The following ABLIM2 variants were observed in gnomAD, a reference collection of about 807,000 sequenced individuals.
ABLIM2 encodes actin binding LIM protein family member 2, also known as actin-binding LIM protein 2.
ABLIM2 carries 53 observed loss-of-function variants against 97.7 expected under a neutral mutation model. The observed-to-expected ratio is 0.54, with a 90% CI of 0.44 to 0.68. ABLIM2 has a LOEUF of 0.68. Among genes scored for constraint, ABLIM2 ranks in the 30% least tolerant of loss-of-function variants. ABLIM2 has a pLI of 0.00. For synonymous variants in ABLIM2, 361 were observed against 345.8 expected, an observed-to-expected ratio of 1.04 and a Z score of -0.49; for missense variants, 835 against 867.2, an observed-to-expected ratio of 0.96 and a Z score of 0.47.
intron 16 of ABLIM2, among the ~76,000 whole-genome samples, chr4:8,006,535 G>C (rs1185159935): frequency 2.0e-5 from 3 of 152,238 alleles, no homozygotes; most frequent in Non-Finnish European, 4.4e-5. Flanking sequence ...ACTGAGCAAA[G>C]TAGGGAGGGT....
rs549145053 is a variant in ABLIM2 at position 8,071,834 on chromosome 4, C to T, written c.675+5794G>A. On this transcript the variant is annotated intron_variant, in intron 6 of 20. Transcript: ENST00000447017. The surrounding 1 kb of genome is among the most constrained non-coding windows in gnomAD (Gnocchi z 6.2). ...TGCTTGAGTGCCGTGCTCCCTGGAA[C>T]GTGTGCCTGCGAGGGTGGACACCCT... 3 of 985,310 alleles carry T rather than the reference C, an allele frequency of 3.0e-6. No homozygotes were observed. The highest frequency in any genetic ancestry group is 1.7e-5 in the African/African-American group (1 of 57,224). 61.0% of individuals were successfully genotyped at this position (985,310 alleles called of 1,614,324 possible). A position where few individuals can be genotyped will look rare whatever the true frequency, so the allele number is the denominator to read the frequency against.
intron 12 of ABLIM2, 97 bp downstream of exon 12, chr4:8,027,662 T>C: frequency 1.0e-6 from 1 of 965,988 alleles, no homozygotes; most frequent in South Asian, 2.2e-5. Context: ...AAACAGGGGC[T>C]CCGGTGAAGC....
At chr4:8,138,193 G>A (rs1216902664) in intron 1 of ABLIM2, among the ~76,000 whole-genome samples, 1 of 152,126 alleles carries the variant, frequency 6.6e-6, no homozygotes, top group Non-Finnish European at 1.5e-5. Context: ...AAGGGGGACA[G>A]AACCTCAGTT....
intron 7 of ABLIM2, among the ~76,000 whole-genome samples, chr4:8,057,836 A>C (rs1307034571): frequency 6.6e-6 from 1 of 152,196 alleles, no homozygotes; most frequent in Non-Finnish European, 1.5e-5. Context: ...TTTGCCAGCC[A>C]AATAACATCT....
At position 7,983,321 on chromosome 4, in the gene ABLIM2, G is replaced by A. The variant is rs560054422; in HGVS notation, c.1767C>T (p.Ile589=). Residue 589 remains isoleucine (I), a synonymous_variant, in exon 20 of 21, where the codon ATC becomes ATT. Transcript: ENST00000447017. ...EYKIYPYDSL[I]VTNRIRVKLP... ...GTTTCACGCGAATTCGGTTTGTGAC[G>A]ATGAGGGAGTCATACGGATAGATCT... 52 of 1,612,514 alleles carry A rather than the reference G, an allele frequency of 3.2e-5. No individual in the cohort carries two copies. Among genetic ancestry groups the A allele is most frequent in the South Asian group, 1.7e-4 (15 of 90,408 alleles).
intron 14 of ABLIM2, among the ~76,000 whole-genome samples, chr4:8,012,490 C>T (rs971714172): frequency 2.8e-5 from 4 of 144,496 alleles, no homozygotes; most frequent in Non-Finnish European, 6.1e-5. Flanking sequence ...CTTCACTCAT[C>T]CATCCATCCA....
Position 8,148,450 on chromosome 4 carries a change from C to A in ABLIM2, c.10+10230G>T, listed in dbSNP as rs751903402. 6.6e-6 allele frequency among the ~76,000 whole-genome samples: 1 copy of A among 152,132 alleles called. No individual in the cohort carries two copies. The highest frequency in any genetic ancestry group is 1.9e-4 in the East Asian group (1 of 5,186). ...CCATGGCGCACCACAGTTAGGAGTG[C>A]GGGTTCTGCAGCTGGCACGGTGCTT... On this transcript the variant is annotated intron_variant, in intron 1 of 20. Transcript: ENST00000447017. The surrounding 1 kb of genome is among the most constrained non-coding windows in gnomAD (Gnocchi z 6.7).
At chr4:8,014,454 G>A (rs1767335518) in intron 14 of ABLIM2, among the ~76,000 whole-genome samples, 1 of 152,238 alleles carries the variant, frequency 6.6e-6, no homozygotes, top group Non-Finnish European at 1.5e-5. Context: ...GACATTGAGA[G>A]GAAGAGAGAG....
At position 8,149,151 on chromosome 4, in the gene ABLIM2, G is replaced by A. The variant is rs1455542173; in HGVS notation, c.10+9529C>T. Among the ~76,000 whole-genome samples, 1 of 152,162 alleles carries A rather than the reference G, an allele frequency of 6.6e-6. No individual in the cohort carries two copies. The highest frequency in any genetic ancestry group is 1.5e-5 in the Non-Finnish European group (1 of 68,030). On this transcript the variant is annotated intron_variant, in intron 1 of 20. Coordinates refer to ENST00000447017, the MANE Select transcript of ABLIM2 (RefSeq NM_001130083.2). This position sits in a 1 kb window ranked among gnomAD's most constrained non-coding sequence, Gnocchi z 6.4. Reference sequence around the variant, plus strand: ...GGGGCACCCGAGTTTCTTGGTGTGGGGCCCCTCCCTTCATCCTCAGAGCCA... The same window carrying A: ...GGGGCACCCGAGTTTCTTGGTGTGGAGCCCCTCCCTTCATCCTCAGAGCCA...
rs563045409 is a variant in ABLIM2, at chr4:8,100,048, C to T, written c.155-2766G>A. On this transcript the variant is annotated intron_variant, in intron 2 of 20. Coordinates refer to ENST00000447017, the MANE Select transcript of ABLIM2 (RefSeq NM_001130083.2). The stretch of plus-strand genomic sequence containing the variant: ...TGATGGGAGCACCATCCTTTGGGCA[C>T]ACGCTGTGTTCATTTACGAGAAACA... 3.3e-5 allele frequency among the ~76,000 whole-genome samples: 5 copies of T among 152,308 alleles called. No individual in the cohort carries two copies. The South Asian group carries it at 1.0e-3, about 32-fold the overall frequency.
rs1349090743 is a variant in ABLIM2 at position 8,083,027 on chromosome 4, G to C, written c.455-2225C>G. 6.6e-6 allele frequency among the ~76,000 whole-genome samples: 1 copy of C among 152,170 alleles called. No homozygotes were observed. Among genetic ancestry groups the C allele is most frequent in the African/African-American group, 2.4e-5 (1 of 41,454 alleles). On this transcript the variant is annotated intron_variant, in intron 4 of 20. Coordinates refer to ENST00000447017, the MANE Select transcript of ABLIM2 (RefSeq NM_001130083.2). The surrounding 1 kb of genome is among the most constrained non-coding windows in gnomAD (Gnocchi z 4.6). Reference sequence around the variant, plus strand: ...TTTTGATTGTCATAACTTGGAGGGGGTTCCAGGCATCTAGTGGGCAGTGGA... The same window carrying C: ...TTTTGATTGTCATAACTTGGAGGGGCTTCCAGGCATCTAGTGGGCAGTGGA...
chr4:8,064,635 G>T (rs893805638), intron 6 of ABLIM2, among the ~76,000 whole-genome samples: 1 of 152,186 alleles, frequency 6.6e-6, no homozygotes, highest in Non-Finnish European at 1.5e-5. Context: ...CTCGTGTCCT[G>T]AACGAACAAC....
At chr4:8,116,059 T>C (rs963011494) in intron 1 of ABLIM2, among the ~76,000 whole-genome samples, 7 of 152,152 alleles carry the variant, frequency 4.6e-5, no homozygotes, top group African/African-American at 1.4e-4. Flanking sequence ...AGCTCTTGAG[T>C]CACTCTCAGC....
chr4:8,097,413 G>T (rs1426836457), intron 2 of ABLIM2, 131 bp from the exon 3 acceptor site: 8 of 1,165,978 alleles, frequency 6.9e-6, no homozygotes, highest in Non-Finnish European at 9.5e-6. Flanking sequence ...GCACACACTT[G>T]GGGTGGCTTG....
intron 9 of ABLIM2, among the ~76,000 whole-genome samples, chr4:8,040,622 A>G (rs542884040): frequency 1.1e-4 from 11 of 98,112 alleles, no homozygotes; most frequent in African/African-American, 5.0e-4. Flanking sequence ...AAAAAAAAAA[A>G]AAGAAAAGAA....
At chr4:8,018,375 C>A (rs1363701927) in intron 14 of ABLIM2, among the ~76,000 whole-genome samples, 1 of 152,154 alleles carries the variant, frequency 6.6e-6, no homozygotes, top group Non-Finnish European at 1.5e-5. Context: ...TTTGGCCAGG[C>A]CTCAGTTTCC....
At chr4:8,035,668 G>A (rs1311085984) in intron 10 of ABLIM2, among the ~76,000 whole-genome samples, 1 of 152,212 alleles carries the variant, frequency 6.6e-6, no homozygotes, top group African/African-American at 2.4e-5. Context: ...AGGCAGGCCA[G>A]GAAATAAATA....
In ABLIM2 at chr4:8,069,768, C is replaced by T. The variant is rs948413245; in HGVS notation, c.675+7860G>A. ...TTGTCTGTGTACGTTTCGGTGTGTC[C>T]ATGCATGTTGTCTGTGTCTCTCCGT... On this transcript the variant is annotated intron_variant, in intron 6 of 20. Transcript: ENST00000447017. This position sits in a 1 kb window ranked among gnomAD's most constrained non-coding sequence, Gnocchi z 4.2. Among the ~76,000 whole-genome samples the T allele has an allele frequency of 1.3e-5, 2 of 150,992 alleles. No individual in the cohort carries two copies. Among genetic ancestry groups the T allele is most frequent in the Non-Finnish European group, 3.0e-5 (2 of 67,788 alleles).
In ABLIM2 at chr4:7,983,336, C is replaced by A; in HGVS notation, c.1752G>T (p.Pro584=). ...GGTTTGTGACGATGAGGGAGTCATA[C>A]GGATAGATCTGTTGGGGGAGGAAAC... is the stretch of plus-strand genomic sequence containing the variant. The part of the protein sequence containing the change: ...SWGMREYKIY[P]YDSLIVTNRI... Residue 584 remains proline, a synonymous_variant, in exon 20 of 21, where the codon CCG becomes CCT. Transcript: ENST00000447017. 1 of 1,611,838 alleles carries A rather than the reference C, an allele frequency of 6.2e-7. No individual in the cohort carries two copies. Among genetic ancestry groups the A allele is most frequent in the Non-Finnish European group, 8.5e-7 (1 of 1,179,244 alleles).
Sources: gnomAD v4.1 joint callset for allele counts (sites outside exome capture counted in the v4.1 genomes callset) on GRCh38, gnomAD v4.1.1 for gene constraint, Gnocchi (gnomAD v3.1) non-coding constraint, MANE v1.5 for transcripts, NCBI Gene and HGNC (gene_info 2026-07-23, HGNC 2026-07-21) for gene names.